Variants in THOC2 observed in about 807,000 individuals in gnomAD.
THOC2 encodes the protein THO complex 2.
A neutral mutation model predicts 128.4 loss-of-function variants in THOC2; 10 were observed. The observed-to-expected ratio is 0.08, with a 90% CI of 0.05 to 0.13. The LOEUF is 0.13. Among genes scored for constraint, THOC2 ranks in the 10% least tolerant of loss-of-function variants. The probability of loss-of-function intolerance (pLI) is 1.00; values close to 1 mark genes in which losing one functional copy is unlikely to be tolerated. For synonymous variants in THOC2, 393 were observed against 396.9 expected (o/e 0.99, Z 0.12); for missense variants, 535 against 1,155.7 (o/e 0.46, Z 7.79).
intron 12 of THOC2, among the ~76,000 whole-genome samples, chrX:123,663,156 A>G (rs1442069216): frequency 8.9e-6 from 1 of 111,963 alleles, no homozygotes. Context: ...TATTGAAAGC[A>G]GCTTTATAAT....
At chrX:123,702,153 G>A (rs758634116) in intron 4 of THOC2, among the ~76,000 whole-genome samples, 14 of 111,413 alleles carry the variant, frequency 1.3e-4, no homozygotes, top group African/African-American at 4.6e-4. Flanking sequence ...AGTGAATATT[G>A]GCCGGGTGCG....
chrX:123,707,372 T>C lies in THOC2; in HGVS notation c.131-423A>G, dbSNP rs1391008837. On this transcript the variant is annotated intron_variant, in intron 2 of 38. Coordinates refer to ENST00000245838, the MANE Select transcript of THOC2 (RefSeq NM_001081550.2). ...TCCTCACCAGTAGACTTCAGATATA[T>C]ACTCAATTCAATCTCAGCACTATAG... Among the ~76,000 whole-genome samples the C allele has an allele frequency of 2.7e-5, 3 of 112,090 alleles. No homozygotes were observed. The Admixed American group carries it at 2.9e-4, about 11-fold the overall frequency.
At chrX:123,689,809 T>C (rs1045736529) in intron 7 of THOC2, among the ~76,000 whole-genome samples, 1 of 111,710 alleles carries the variant, frequency 9.0e-6, no homozygotes, top group Non-Finnish European at 1.9e-5. Flanking sequence ...TAAGTTTGAA[T>C]ATCCAAAATG....
intron 38 of THOC2, chrX:123,603,343 A>G: frequency 4.2e-6 from 1 of 235,882 alleles, no homozygotes; most frequent in Non-Finnish European, 7.5e-6. Context: ...AGTAATGTCA[A>G]AAGTATAGGA....
At chrX:123,675,512 G>A (rs1348787825) in intron 8 of THOC2, among the ~76,000 whole-genome samples, 3 of 109,845 alleles carry the variant, frequency 2.7e-5, no homozygotes, top group South Asian at 4.0e-4. Context: ...ATGGTGGTGC[G>A]CACCTGTAGT....
chrX:123,705,496 A>T (rs2087052927), intron 3 of THOC2, among the ~76,000 whole-genome samples: 1 of 111,516 alleles, frequency 9.0e-6, no homozygotes, highest in African/African-American at 3.3e-5. Flanking sequence ...CAAAAATGAA[A>T]TATTAGTTGT....
intron 33 of THOC2, 113 bp downstream of exon 33, chrX:123,619,287 CT>C (rs2047003098): frequency 2.2e-5 from 9 of 405,869 alleles, no homozygotes; most frequent in Non-Finnish European, 4.3e-6. Context: ...AAGCAGAGTA[CT>C]TTATCCCACT....
At chrX:123,729,184 T>C (rs190613199) in intron 1 of THOC2, among the ~76,000 whole-genome samples, 1 of 111,971 alleles carries the variant, frequency 8.9e-6, no homozygotes, top group Admixed American at 9.5e-5. Context: ...ACAATTACAT[T>C]TTGGTAGTCC....
intron 7 of THOC2, 147 bp from the exon 8 acceptor site, chrX:123,686,861 G>A: frequency 2.2e-6 from 1 of 452,243 alleles, no homozygotes; most frequent in Non-Finnish European, 3.7e-6. Context: ...CTCTCCCAGA[G>A]GGAAATAAAT....
At chrX:123,630,719 T>C (rs1229591245) in intron 22 of THOC2, among the ~76,000 whole-genome samples, 1 of 107,762 alleles carries the variant, frequency 9.3e-6, no homozygotes, top group African/African-American at 3.4e-5. Flanking sequence ...TCACCTAATA[T>C]ACATTTTCAC....
Position 123,621,239 on chromosome X carries a change from A to G in THOC2, c.4134T>C (p.Asn1378=), listed in dbSNP as rs1261703956. The G allele has an allele frequency of 8.3e-7, 1 of 1,208,443 alleles. No homozygotes were observed. The highest frequency in any genetic ancestry group is 3.0e-5 in the East Asian group (1 of 33,700). ...DIAKEMKSKE[N]VKGGEKTPVS... is the part of the protein sequence containing the mutation. Reference sequence around the variant, plus strand: ...CTGGTGTTTTTTCTCCTCCTTTAACATTTTCCTTTGATTTCATTTCCTTTG... The same window carrying G: ...CTGGTGTTTTTTCTCCTCCTTTAACGTTTTCCTTTGATTTCATTTCCTTTG... Residue 1378 remains asparagine, a synonymous_variant, in exon 31 of 39, where the codon AAT becomes AAC. Coordinates refer to ENST00000245838, the MANE Select transcript of THOC2 (RefSeq NM_001081550.2).
chrX:123,725,141 AT>A (rs1168357015), intron 1 of THOC2, among the ~76,000 whole-genome samples: 1 of 96,153 alleles, frequency 1.0e-5, no homozygotes, highest in African/African-American at 3.8e-5. Flanking sequence ...TCATTTAGCT[AT>A]TAAACATTTC....
At chrX:123,661,310 CAGG>C (rs1452436833) in intron 12 of THOC2, among the ~76,000 whole-genome samples, 2 of 111,101 alleles carry the variant, frequency 1.8e-5, no homozygotes, top group African/African-American at 3.3e-5. Flanking sequence ...GAGGCTGAAG[CAGG>C]AGAATTGCTT....
At chrX:123,654,674 G>A (rs756409233) in intron 12 of THOC2, among the ~76,000 whole-genome samples, 12 of 102,503 alleles carry the variant, frequency 1.2e-4, no homozygotes, top group South Asian at 4.6e-4. Context: ...CAGGAGAATC[G>A]CGTGAACCTA....
chrX:123,724,726 T>C (rs2051867479), intron 1 of THOC2, among the ~76,000 whole-genome samples: 1 of 111,279 alleles, frequency 9.0e-6, no homozygotes, highest in African/African-American at 3.3e-5. Context: ...GGAGAGCATC[T>C]ACTAAATTAA....
chrX:123,634,081 AG>A lies in THOC2; in HGVS notation c.2019-12del, dbSNP rs2047582595. The A allele has an allele frequency of 9.8e-7, 1 of 1,018,586 alleles. No individual in the cohort carries two copies. The highest frequency in any genetic ancestry group is 1.9e-5 in the African/African-American group (1 of 53,394). The allele number at this position is 1,018,586 out of a possible 1,213,427, so 83.9% of individuals were successfully genotyped here. ...ATAAGCAGGTCAAAACTATTCAAAA[AG>A]AAAAAAGAAACAGTCTATAGTTAGA... On this transcript the variant is annotated splice_polypyrimidine_tract_variant and intron_variant, in intron 19 of 38. Transcript: ENST00000245838.
intron 38 of THOC2, among the ~76,000 whole-genome samples, chrX:123,608,839 G>A (rs1480206614): frequency 8.9e-6 from 1 of 112,431 alleles, no homozygotes; most frequent in East Asian, 2.8e-4. Context: ...AATTCAACAG[G>A]ATGGACATCC....
At chrX:123,603,686 T>G in intron 38 of THOC2, 1 of 459,161 alleles carries the variant, frequency 2.2e-6, no homozygotes, top group African/African-American at 2.5e-5. Context: ...ATTCTGAGAG[T>G]GACGCACGGA....
Position 123,634,088 on chromosome X carries a change from A to G in THOC2, c.2019-18T>C, listed in dbSNP as rs1416459237. 4.1e-6 allele frequency: 4 copies of G among 965,881 alleles called. No homozygotes were observed. The highest frequency in any genetic ancestry group is 5.9e-6 in the Non-Finnish European group (4 of 682,625). The allele number at this position is 965,881 out of a possible 1,213,427, so 79.6% of individuals were successfully genotyped here. A position where few individuals can be genotyped will look rare whatever the true frequency, so the allele number is the denominator to read the frequency against. Reference sequence around the variant, plus strand: ...GGTCAAAACTATTCAAAAAGAAAAAAGAAACAGTCTATAGTTAGAACTTCA... The same window carrying G: ...GGTCAAAACTATTCAAAAAGAAAAAGGAAACAGTCTATAGTTAGAACTTCA... On this transcript the variant is annotated intron_variant, in intron 19 of 38. Coordinates refer to ENST00000245838, the MANE Select transcript of THOC2 (RefSeq NM_001081550.2).
Sources: allele counts gnomAD v4.1 joint callset (sites outside exome capture counted in the v4.1 genomes callset), GRCh38; gene constraint gnomAD v4.1.1; transcripts MANE v1.5; gene names NCBI Gene and HGNC (gene_info 2026-07-23, HGNC 2026-07-21).